The following MAPK8 variants were observed in gnomAD, a reference collection of about 807,000 sequenced individuals.
MAPK8 encodes JUN N-terminal kinase.
A neutral mutation model predicts 52.9 loss-of-function variants in MAPK8; 13 were observed. The observed-to-expected ratio is 0.25, with a 90% CI of 0.16 to 0.39. The LOEUF (loss-of-function observed/expected upper bound fraction) is 0.39. Ranked by LOEUF, MAPK8 falls within the 10% of genes least tolerant of loss-of-function variation. The pLI, the probability that MAPK8 is intolerant of heterozygous loss-of-function variation, is 1.00. For missense variants in MAPK8, 300 were observed against 519.2 expected (o/e 0.58, Z 4.10); for synonymous variants, 191 against 169.8 (o/e 1.12, Z -0.97).
At position 48,362,018 on chromosome 10, in the gene MAPK8, T is replaced by G. The variant is rs148290897; in HGVS notation, c.-49-39594T>G. The stretch of plus-strand genomic sequence containing the variant: ...CTCATTTTCATTGACATGACCAGCT[T>G]TATTTGCCTTGCTTAATGTCCTCAG... On this transcript the variant is annotated intron_variant, in intron 1 of 11. Coordinates refer to ENST00000374189, the MANE Select transcript of MAPK8 (RefSeq NM_001323329.2). Among the ~76,000 whole-genome samples the G allele has an allele frequency of 3.4e-3, 515 of 152,340 alleles. 4 individuals carry two copies. The highest frequency in any genetic ancestry group is 0.017 in the South Asian group (84 of 4,828).
chr10:48,427,203 G>T (rs1035299612), intron 10 of MAPK8, 60 bp downstream of exon 10: 1 of 1,244,298 alleles, frequency 8.0e-7, no homozygotes, highest in Non-Finnish European at 1.2e-6. Flanking sequence ...TTTATATGGT[G>T]ATTTATTATC....
At position 48,398,012 on chromosome 10, in the gene MAPK8, A is replaced by G. The variant is rs79525041; in HGVS notation, c.-49-3600A>G. Among the ~76,000 whole-genome samples the G allele has an allele frequency of 6.4e-4, 98 of 152,296 alleles. 1 individual carries two copies. The East Asian group carries it at 0.017, about 27-fold the overall frequency. On this transcript the variant is annotated intron_variant, in intron 1 of 11. Coordinates refer to ENST00000374189, the MANE Select transcript of MAPK8 (RefSeq NM_001323329.2). ...CTGGTAAAATCTGAGGAAAGTTTCT[A>G]GTTTGATTAATAGTTTTATACCAGT...
chr10:48,353,332 A>G (rs1481131257), intron 1 of MAPK8, among the ~76,000 whole-genome samples: 1 of 152,210 alleles, frequency 6.6e-6, no homozygotes, highest in Non-Finnish European at 1.5e-5. Flanking sequence ...TCTATACTCA[A>G]TTTCGACTTA....
intron 1 of MAPK8, among the ~76,000 whole-genome samples, chr10:48,375,343 ACT>A (rs1413738355): frequency 6.6e-6 from 1 of 152,008 alleles, no homozygotes; most frequent in Non-Finnish European, 1.5e-5. Flanking sequence ...ACAAGGATGC[ACT>A]CTCTCACCAC....
intron 3 of MAPK8, among the ~76,000 whole-genome samples, chr10:48,408,770 A>G (rs1379048245): frequency 1.3e-5 from 2 of 152,184 alleles, no homozygotes; most frequent in Non-Finnish European, 2.9e-5. Context: ...GTCTTAAACA[A>G]CAGAGATTTA....
intron 10 of MAPK8, among the ~76,000 whole-genome samples, chr10:48,427,836 C>T (rs2133257225): frequency 6.6e-6 from 1 of 152,284 alleles, no homozygotes; most frequent in East Asian, 1.9e-4. Flanking sequence ...ACGTATCTGC[C>T]TCTCTTGCTT....
chr10:48,382,040 GAGACAAC>G (rs1230535947), intron 1 of MAPK8, among the ~76,000 whole-genome samples: 1 of 152,170 alleles, frequency 6.6e-6, no homozygotes, highest in Admixed American at 6.6e-5. Context: ...CCATAGCCAG[GAGACAAC>G]AGCCAGGCCA....
chr10:48,312,461 GACTCAAGCCTGCCACCC>G (rs1339421358), intron 1 of MAPK8, among the ~76,000 whole-genome samples: 2 of 152,160 alleles, frequency 1.3e-5, no homozygotes, highest in Non-Finnish European at 1.5e-5. Flanking sequence ...GGTGCTGAGA[GACTCAAGCCTGCCACCC>G]ACCATATTTC....
chr10:48,363,534 TGTC>T (rs1847751931), intron 1 of MAPK8, among the ~76,000 whole-genome samples: 1 of 152,250 alleles, frequency 6.6e-6, no homozygotes, highest in Non-Finnish European at 1.5e-5. Context: ...CTGAAAAATT[TGTC>T]GTCATTGTAT....
At position 48,410,066 on chromosome 10, in the gene MAPK8, C is replaced by T. The variant is rs368826984; in HGVS notation, c.348C>T (p.Cys116=). Residue 116 remains cysteine, a synonymous_variant, in exon 5 of 12, where the codon TGC becomes TGT. Coordinates refer to ENST00000374189, the MANE Select transcript of MAPK8 (RefSeq NM_001323329.2). The part of the protein sequence containing the change: ...IVMELMDANL[C]QVIQMELDHE... ...TGGAGCTCATGGATGCAAATCTTTG[C>T]CAAGTGATTCAGATGGAGCTAGATC... 8.1e-6 allele frequency: 13 copies of T among 1,601,640 alleles called. No individual in the cohort carries two copies. In the Admixed American group the frequency reaches 1.9e-4, roughly 23 times the overall value.
chr10:48,319,607 A>G (rs1055418445), intron 1 of MAPK8, among the ~76,000 whole-genome samples: 4 of 152,100 alleles, frequency 2.6e-5, no homozygotes, highest in African/African-American at 9.6e-5. Flanking sequence ...CTCCTGCCTC[A>G]GCCTCCCGAG....
At chr10:48,321,422 AACAGATG>A (rs1842988573) in intron 1 of MAPK8, among the ~76,000 whole-genome samples, 1 of 152,182 alleles carries the variant, frequency 6.6e-6, no homozygotes, top group Admixed American at 6.5e-5. Context: ...CAAGTTGCAT[AACAGATG>A]TATGGTTTAT....
chr10:48,426,074 C>G lies in MAPK8; in HGVS notation c.871+4C>G, dbSNP rs776796759. 1.2e-6 allele frequency: 2 copies of G among 1,604,614 alleles called. No homozygotes were observed. The highest frequency in any genetic ancestry group is 2.2e-5 in the South Asian group (2 of 89,826). On this transcript the variant is annotated splice_donor_region_variant and intron_variant, in intron 8 of 11. Coordinates refer to ENST00000374189, the MANE Select transcript of MAPK8 (RefSeq NM_001323329.2). Reference sequence around the variant, plus strand: ...TCAGAACACAACAAACTTAAAGGTACTTTTTACAAATATGTACATTTAATC... The same window carrying G: ...TCAGAACACAACAAACTTAAAGGTAGTTTTTACAAATATGTACATTTAATC...
intron 10 of MAPK8, among the ~76,000 whole-genome samples, chr10:48,428,258 G>T (rs1259879709): frequency 6.6e-6 from 1 of 152,174 alleles, no homozygotes; most frequent in African/African-American, 2.4e-5. Context: ...GGTGCCCTGG[G>T]ACATGTGGGT....
At chr10:48,412,590 T>C (rs2042818293) in intron 5 of MAPK8, among the ~76,000 whole-genome samples, 1 of 152,196 alleles carries the variant, frequency 6.6e-6, no homozygotes, top group South Asian at 2.1e-4. Flanking sequence ...TAATGTTTTG[T>C]CCCAGGCAGC....
At position 48,339,761 on chromosome 10, in the gene MAPK8, C is replaced by T. The variant is rs556551082; in HGVS notation, c.-50+32940C>T. Among the ~76,000 whole-genome samples the T allele has an allele frequency of 1.1e-4, 16 of 152,268 alleles. No individual in the cohort carries two copies. The South Asian group carries it at 1.7e-3, about 16-fold the overall frequency. On this transcript the variant is annotated intron_variant, in intron 1 of 11. Coordinates refer to ENST00000374189, the MANE Select transcript of MAPK8 (RefSeq NM_001323329.2). ...GTGGCAAAGGACATGAACAGACCTTCTCAAAAGAAGACATACGAGTGGCGA... is the reference window on the plus strand; with the variant it reads ...GTGGCAAAGGACATGAACAGACCTTTTCAAAAGAAGACATACGAGTGGCGA...
intron 5 of MAPK8, among the ~76,000 whole-genome samples, chr10:48,414,523 G>A (rs1459027639): frequency 7.4e-6 from 1 of 135,572 alleles, no homozygotes; most frequent in African/African-American, 2.8e-5. Flanking sequence ...CGTAATCATA[G>A]TTCACTTGCA....
At position 48,315,908 on chromosome 10, in the gene MAPK8, T is replaced by C. The variant is rs1411692485; in HGVS notation, c.-50+9087T>C. 2.6e-5 allele frequency among the ~76,000 whole-genome samples: 4 copies of C among 152,166 alleles called. No individual in the cohort carries two copies. In the East Asian group the frequency reaches 7.7e-4, roughly 29 times the overall value. The stretch of plus-strand genomic sequence containing the variant: ...AAGATTATAGTTTTCCTCCATTATA[T>C]GTAAAATGAGCCAAAATATCTGTTT... On this transcript the variant is annotated intron_variant, in intron 1 of 11. Coordinates refer to ENST00000374189, the MANE Select transcript of MAPK8 (RefSeq NM_001323329.2).
chr10:48,351,614 A>C (rs184506716), intron 1 of MAPK8, among the ~76,000 whole-genome samples: 6 of 152,306 alleles, frequency 3.9e-5, no homozygotes, highest in Admixed American at 2.6e-4. Flanking sequence ...ATAGCAAATA[A>C]ATAGGTAAAG....
Sources: allele counts gnomAD v4.1 joint callset (sites outside exome capture counted in the v4.1 genomes callset), GRCh38; gene constraint gnomAD v4.1.1; transcripts MANE v1.5; gene names NCBI Gene and HGNC (gene_info 2026-07-23, HGNC 2026-07-21).